Variants in DCAF12 observed in about 807,000 individuals in gnomAD.
DCAF12 encodes the protein DDB1- and CUL4-associated factor 12.
In DCAF12, 28 loss-of-function variants were observed where a neutral mutation model predicts 52.8. The observed-to-expected ratio is 0.53, with a 90% confidence interval of 0.39 to 0.73. DCAF12 has a LOEUF of 0.73. Among genes scored for constraint, DCAF12 ranks in the 30% least tolerant of loss-of-function variants. DCAF12 has a pLI of 0.00. For missense variants in DCAF12, 425 were observed against 552.2 expected (o/e 0.77, Z 2.31); for synonymous variants, 196 against 215.5 (o/e 0.91, Z 0.79).
chr9:34,125,119 C>T lies in DCAF12; in HGVS notation c.237G>A (p.Leu79=), dbSNP rs1298941264. The T allele has an allele frequency of 6.2e-7, 1 of 1,614,036 alleles. No homozygotes were observed. Among genetic ancestry groups the T allele is most frequent in the East Asian group, 2.2e-5 (1 of 44,904 alleles). The change falls in exon 2 of 9, where the codon CTG becomes CTA. Residue 79 remains leucine (L), a synonymous_variant. Coordinates refer to ENST00000361264, the MANE Select transcript of DCAF12 (RefSeq NM_015397.4). ...GYAAQQLPSL[L]KEREFHLGTL... ...TCCCAAGGTGAAACTCTCTCTCCTT[C>T]AGGAGACTGGGAAGTTGCTGTGCTG...
chr9:34,122,468 T>C (rs1478943723), intron 2 of DCAF12, among the ~76,000 whole-genome samples: 2 of 149,978 alleles, frequency 1.3e-5, no homozygotes, highest in Non-Finnish European at 3.0e-5. Flanking sequence ...AAGACATTAG[T>C]ATCAATTTTT....
chr9:34,088,623 C>T, intron 8 of DCAF12, 115 bp from the exon 9 acceptor site: 1 of 1,162,578 alleles, frequency 8.6e-7, no homozygotes, highest in Non-Finnish European at 1.3e-6. Context: ...TCTACAGGTA[C>T]AACCTCATGT....
intron 8 of DCAF12, among the ~76,000 whole-genome samples, chr9:34,088,835 C>T (rs1040886892): frequency 7.9e-5 from 12 of 152,030 alleles, no homozygotes; most frequent in African/African-American, 1.7e-4. Flanking sequence ...GGAGGTGGGG[C>T]GCAGTGGTTC....
chr9:34,098,605 G>T, intron 4 of DCAF12, 88 bp from the exon 5 acceptor site: 1 of 1,383,422 alleles, frequency 7.2e-7, no homozygotes, highest in Non-Finnish European at 9.9e-7. Context: ...TCATAGTCTA[G>T]CTGTTTGTGC....
At chr9:34,108,456 A>G (rs1382113324) in intron 2 of DCAF12, among the ~76,000 whole-genome samples, 1 of 152,204 alleles carries the variant, frequency 6.6e-6, no homozygotes, top group African/African-American at 2.4e-5. Context: ...CTGCTTACAC[A>G]GAAGATATAT....
chr9:34,114,782 T>A (rs1171863175), intron 2 of DCAF12, among the ~76,000 whole-genome samples: 1 of 151,852 alleles, frequency 6.6e-6, no homozygotes, highest in African/African-American at 2.4e-5. Flanking sequence ...CAAATGTAAA[T>A]GAGTGTACAC....
chr9:34,115,282 T>C (rs937267523), intron 2 of DCAF12, among the ~76,000 whole-genome samples: 2 of 150,998 alleles, frequency 1.3e-5, no homozygotes, highest in Non-Finnish European at 2.9e-5. Context: ...ACAGACAATA[T>C]GTATCAAACA....
At chr9:34,103,760 T>C (rs773063310) in intron 4 of DCAF12, among the ~76,000 whole-genome samples, 8 of 151,930 alleles carry the variant, frequency 5.3e-5, no homozygotes, top group African/African-American at 4.8e-5. Flanking sequence ...GGGGATCTCT[T>C]AATCCTGGGA....
chr9:34,089,702 A>C, intron 7 of DCAF12, 112 bp from the exon 8 acceptor site: 2 of 1,005,850 alleles, frequency 2.0e-6, no homozygotes, highest in Non-Finnish European at 1.4e-6. Flanking sequence ...GCTCCCCTCC[A>C]CCCGCCCCAC....
intron 1 of DCAF12, chr9:34,125,625 C>T (rs1219769009): frequency 6.3e-6 from 3 of 476,492 alleles, no homozygotes; most frequent in Non-Finnish European, 1.3e-5. Context: ...TGCATCTCTA[C>T]CCAGCCCCCT....
At chr9:34,104,136 G>A (rs983786751) in intron 4 of DCAF12, among the ~76,000 whole-genome samples, 15 of 151,892 alleles carry the variant, frequency 9.9e-5, no homozygotes, top group African/African-American at 2.4e-4. Flanking sequence ...ACAGTGGCAC[G>A]CACCTGTAGT....
intron 7 of DCAF12, 171 bp from the exon 8 acceptor site, chr9:34,089,761 C>T: frequency 3.6e-6 from 2 of 554,612 alleles, no homozygotes; most frequent in Non-Finnish European, 6.1e-6. Context: ...CATGCAAAAG[C>T]AAAGAGAATC....
At chr9:34,113,213 G>A (rs1357383194) in intron 2 of DCAF12, among the ~76,000 whole-genome samples, 5 of 152,000 alleles carry the variant, frequency 3.3e-5, no homozygotes, top group Non-Finnish European at 5.9e-5. Context: ...CACCACGCCC[G>A]GCTAATTTTT....
rs749874289 is a variant in DCAF12, at chr9:34,098,414, G to C, written c.705C>G (p.Ile235Met). Residue 235 changes from isoleucine (I) to methionine (M), a missense_variant, in exon 5 of 9, where the codon ATC becomes ATG. Around this residue, in one of 3 missense-constraint regions of DCAF12, gnomAD observed 328 missense variants for 444.4 expected, o/e 0.74. Transcript: ENST00000361264. The part of the protein sequence containing the change: ...NVSRVPVYAH[I>M]THKALKDIPK... ...GGATGTCCTTTAAGGCCTTGTGAGT[G>C]ATGTGTGCATACACAGGGACCCGTG... 3.7e-6 allele frequency: 6 copies of C among 1,614,226 alleles called. No individual in the cohort carries two copies. The highest frequency in any genetic ancestry group is 5.1e-6 in the Non-Finnish European group (6 of 1,180,030).
Position 34,126,361 on chromosome 9 carries a change from C to A in DCAF12, c.71G>T (p.Gly24Val). 1.2e-6 allele frequency: 2 copies of A among 1,612,410 alleles called. No homozygotes were observed. Among genetic ancestry groups the A allele is most frequent in the Non-Finnish European group, 8.5e-7 (1 of 1,179,766 alleles). The change falls in exon 1 of 9, where the codon GGC (glycine) becomes GTC (valine). Residue 24 changes from glycine to valine, a missense_variant. Gly to Val is a moderately radical substitution (Grantham distance 109, BLOSUM62 -3). This residue lies in a region of DCAF12 where 89 missense variants were observed against 84.9 expected (regional missense o/e 1.05). Transcript: ENST00000361264. ...ASPGAGSDAQ[G>V]PQFGWDHSLH... The stretch of plus-strand genomic sequence containing the variant: ...CGGCCTCTCAACCCTCACCTGCGGG[C>A]CCTGAGCGTCGCTCCCAGCTCCCGG...
At chr9:34,101,796 C>T (rs1828833635) in intron 4 of DCAF12, among the ~76,000 whole-genome samples, 1 of 152,006 alleles carries the variant, frequency 6.6e-6, no homozygotes, top group Admixed American at 6.6e-5. Flanking sequence ...AGGTGGACCG[C>T]CTGAGCTCAA....
chr9:34,105,260 A>G (rs553280617), intron 4 of DCAF12, among the ~76,000 whole-genome samples: 1 of 152,000 alleles, frequency 6.6e-6, no homozygotes, highest in Admixed American at 6.6e-5. Context: ...CTCAAAAAAA[A>G]AAAAAAATCA....
intron 2 of DCAF12, among the ~76,000 whole-genome samples, chr9:34,110,205 T>C (rs1828977583): frequency 6.6e-6 from 1 of 152,010 alleles, no homozygotes. Flanking sequence ...TGCTGATGCA[T>C]CCCACAAGCA....
intron 4 of DCAF12, among the ~76,000 whole-genome samples, chr9:34,103,431 AAAGT>A (rs759053828): frequency 6.6e-6 from 1 of 152,260 alleles, no homozygotes; most frequent in Non-Finnish European, 1.5e-5. Flanking sequence ...ACAAAAATAA[AAAGT>A]AAGTTTATAT....
Sources: allele counts gnomAD v4.1 joint callset (sites outside exome capture counted in the v4.1 genomes callset), GRCh38; gene constraint gnomAD v4.1.1; regional missense constraint gnomAD v4.1.1; transcripts MANE v1.5; gene names NCBI Gene and HGNC (gene_info 2026-07-23, HGNC 2026-07-21).